Variants in NEDD4 observed in about 807,000 individuals in gnomAD.
NEDD4 encodes the protein E3 ubiquitin-protein ligase NEDD4.
In NEDD4, 99 loss-of-function variants were observed where a neutral mutation model predicts 144.9. The ratio of observed to expected loss-of-function variants is 0.68; its 90% CI spans 0.58 to 0.81. NEDD4 has a LOEUF of 0.81. Among genes scored for constraint, NEDD4 ranks in the 30% least tolerant of loss-of-function variants. NEDD4 has a pLI of 0.00. For missense variants in NEDD4, 985 were observed against 1,065.9 expected (o/e 0.92, Z 1.06); for synonymous variants, 318 against 350.6 (o/e 0.91, Z 1.04).
chr15:55,845,566 C>T (rs537708229), intron 18 of NEDD4, among the ~76,000 whole-genome samples: 1 of 151,916 alleles, frequency 6.6e-6, no homozygotes, highest in East Asian at 1.9e-4. Flanking sequence ...GGCATTGTCT[C>T]CCATCTCCTG....
chr15:55,982,632 G>A (rs1192966312), intron 1 of NEDD4, among the ~76,000 whole-genome samples: 2 of 152,112 alleles, frequency 1.3e-5, no homozygotes, highest in Admixed American at 6.5e-5. Context: ...TGGAATGATG[G>A]GAATATTCTG....
At chr15:55,857,036 G>T (rs1595756353) in intron 11 of NEDD4, among the ~76,000 whole-genome samples, 2 of 152,270 alleles carry the variant, frequency 1.3e-5, no homozygotes, top group East Asian at 3.9e-4. Context: ...GTTTTAGTTG[G>T]TTTTTAAAGG....
intron 5 of NEDD4, among the ~76,000 whole-genome samples, chr15:55,894,475 C>T (rs542113515): frequency 2.2e-4 from 34 of 152,188 alleles, no homozygotes; most frequent in Admixed American, 8.5e-4. Context: ...CAAGAGACAC[C>T]GGTACTTGGT....
At chr15:55,853,222 A>C (rs1397562776) in intron 12 of NEDD4, among the ~76,000 whole-genome samples, 2 of 152,234 alleles carry the variant, frequency 1.3e-5, no homozygotes, top group Non-Finnish European at 2.9e-5. Flanking sequence ...TAAATATCTT[A>C]AAATGTGCAA....
At chr15:55,906,159 T>C (rs1323021393) in intron 5 of NEDD4, among the ~76,000 whole-genome samples, 2 of 152,086 alleles carry the variant, frequency 1.3e-5, no homozygotes, top group African/African-American at 2.4e-5. Context: ...TGTGGAGAAA[T>C]AGGAACACTT....
chr15:55,875,937 A>T (rs998166755), intron 5 of NEDD4, among the ~76,000 whole-genome samples: 33 of 152,328 alleles, frequency 2.2e-4, no homozygotes, highest in Non-Finnish European at 3.7e-4. Context: ...CAGGATAAAC[A>T]TAAAGAAAAC....
intron 21 of NEDD4, 95 bp downstream of exon 21, chr15:55,840,352 T>C: frequency 2.9e-6 from 3 of 1,035,774 alleles, no homozygotes; most frequent in Non-Finnish European, 4.2e-6. Flanking sequence ...CATGATAATA[T>C]ATTAATTTCC....
At chr15:55,939,221 C>G (rs1407001567) in intron 4 of NEDD4, among the ~76,000 whole-genome samples, 1 of 152,170 alleles carries the variant, frequency 6.6e-6, no homozygotes, top group African/African-American at 2.4e-5. Flanking sequence ...AGGGAGGGAA[C>G]TGGTGGGAGG....
chr15:55,941,556 C>G (rs1166735899), intron 4 of NEDD4, among the ~76,000 whole-genome samples: 1 of 151,202 alleles, frequency 6.6e-6, no homozygotes, highest in Admixed American at 6.6e-5. Flanking sequence ...AGAACATACC[C>G]TGTTAAATTT....
chr15:55,868,971 C>G (rs1463098538), intron 8 of NEDD4, among the ~76,000 whole-genome samples: 1 of 152,122 alleles, frequency 6.6e-6, no homozygotes, highest in East Asian at 1.9e-4. Flanking sequence ...TTCCAGTCTC[C>G]AAACCCTATC....
chr15:55,858,865 T>C (rs1466571540), intron 11 of NEDD4, among the ~76,000 whole-genome samples: 1 of 152,238 alleles, frequency 6.6e-6, no homozygotes, highest in Admixed American at 6.5e-5. Flanking sequence ...CTGCTGTAAC[T>C]ACTTTATTCA....
intron 1 of NEDD4, among the ~76,000 whole-genome samples, chr15:55,975,489 C>A (rs1473623690): frequency 2.6e-5 from 4 of 151,912 alleles, no homozygotes; most frequent in African/African-American, 9.7e-5. Context: ...CAACAGTGAA[C>A]AATCTGAAAA....
intron 9 of NEDD4, 140 bp from the exon 10 acceptor site, chr15:55,860,918 A>G: frequency 2.8e-6 from 2 of 708,730 alleles, no homozygotes; most frequent in South Asian, 1.8e-5. Context: ...CTATTTCAAC[A>G]TGCAAAGATT....
At chr15:55,880,902 A>G (rs1440255868) in intron 5 of NEDD4, among the ~76,000 whole-genome samples, 1 of 152,184 alleles carries the variant, frequency 6.6e-6, no homozygotes, top group East Asian at 1.9e-4. Context: ...GCTAATATAT[A>G]TTTAAAATAC....
chr15:55,866,660 G>A (rs943807453), intron 8 of NEDD4, among the ~76,000 whole-genome samples: 3 of 152,104 alleles, frequency 2.0e-5, no homozygotes, highest in Non-Finnish European at 4.4e-5. Flanking sequence ...AAGCTTCTTA[G>A]AGATTTCTCT....
chr15:55,872,694 A>T (rs2034845775), intron 6 of NEDD4, among the ~76,000 whole-genome samples: 1 of 152,216 alleles, frequency 6.6e-6, no homozygotes, highest in Non-Finnish European at 1.5e-5. Flanking sequence ...CTAGCTGAGC[A>T]GGTGGGTTGT....
intron 5 of NEDD4, among the ~76,000 whole-genome samples, chr15:55,898,480 A>G (rs1231780482): frequency 6.6e-6 from 1 of 152,220 alleles, no homozygotes; most frequent in Non-Finnish European, 1.5e-5. Flanking sequence ...TTCACGGGCA[A>G]GCAGCCTTGA....
chr15:55,919,241 G>A (rs1025572200), intron 5 of NEDD4, among the ~76,000 whole-genome samples: 2 of 152,158 alleles, frequency 1.3e-5, no homozygotes, highest in Non-Finnish European at 2.9e-5. Flanking sequence ...ATGGAGAGAT[G>A]GATGGTGTCA....
intron 5 of NEDD4, chr15:55,916,141 T>TC (rs772845093): frequency 6.2e-7 from 1 of 1,614,006 alleles, no homozygotes; most frequent in Non-Finnish European, 8.5e-7. Context: ...TCTGTACTTG[T>TC]ACTTCTTGAA....
Sources: gnomAD v4.1 joint callset for allele counts (sites outside exome capture counted in the v4.1 genomes callset) on GRCh38, gnomAD v4.1.1 for gene constraint, MANE v1.5 for transcripts, NCBI Gene and HGNC (gene_info 2026-07-23, HGNC 2026-07-21) for gene names.